CEP57L1: variants seen among roughly 807,000 people sequenced by gnomAD.
CEP57L1 encodes the protein centrosomal protein CEP57L1.
In CEP57L1, 37 loss-of-function variants were observed where a neutral mutation model predicts 61.0. The ratio of observed to expected loss-of-function variants is 0.61; its 90% CI spans 0.47 to 0.80. The LOEUF (loss-of-function observed/expected upper bound fraction) is 0.80. CEP57L1 is among the 30% of genes least tolerant of loss of function. The pLI, the probability that CEP57L1 is intolerant of heterozygous loss-of-function variation, is 0.00. For missense variants in CEP57L1, 422 were observed against 524.7 expected (o/e 0.80, Z 1.91); for synonymous variants, 137 against 162.3 (o/e 0.84, Z 1.19).
intron 1 of CEP57L1, among the ~76,000 whole-genome samples, chr6:109,106,892 A>G (rs1456794646): frequency 6.6e-6 from 1 of 152,208 alleles, no homozygotes; most frequent in Non-Finnish European, 1.5e-5. Context: ...GTGAGCTGAA[A>G]TCGCACCACT....
intron 7 of CEP57L1, chr6:109,156,262 G>T (rs1036975159): frequency 6.4e-6 from 1 of 155,992 alleles, no homozygotes; most frequent in African/African-American, 2.4e-5. Flanking sequence ...TATAAAAGAG[G>T]CAGTAAACAA....
chr6:109,114,745 A>T (rs146896095), intron 1 of CEP57L1, among the ~76,000 whole-genome samples: 1 of 152,252 alleles, frequency 6.6e-6, no homozygotes, highest in Non-Finnish European at 1.5e-5. Flanking sequence ...GATGCTGATC[A>T]ATGGGGTACA....
intron 1 of CEP57L1, among the ~76,000 whole-genome samples, chr6:109,104,820 C>T (rs1339585139): frequency 6.6e-6 from 1 of 152,100 alleles, no homozygotes; most frequent in Non-Finnish European, 1.5e-5. Flanking sequence ...CTCCTGGGCT[C>T]AAGAAGTCCT....
chr6:109,117,378 A>G (rs1157399462), intron 1 of CEP57L1, among the ~76,000 whole-genome samples: 1 of 152,210 alleles, frequency 6.6e-6, no homozygotes, highest in African/African-American at 2.4e-5. Flanking sequence ...TGCTGCTGAT[A>G]GGAAGTTTTT....
rs190517051 is a variant in CEP57L1 at position 109,145,351 on chromosome 6, C to G, written c.130C>G (p.Pro44Ala). Residue 44 changes from proline to alanine, a missense_variant, in exon 2 of 11, where the codon CCT becomes GCT. Physicochemically the swap from Pro to Ala is conservative, Grantham distance 27. Transcript: ENST00000517392. ...CHPANLEVTS[P>A]KILHSPNSQA... ...TCCTGCAAACTTAGAAGTTACCTCT[C>G]CTAAGATACTTCATAGCCCAAATAG... 2.5e-6 allele frequency: 4 copies of G among 1,607,970 alleles called. No individual in the cohort carries two copies. The highest frequency in any genetic ancestry group is 2.7e-5 in the African/African-American group (2 of 74,806).
rs949471399 is a variant in CEP57L1, at chr6:109,172,652, TG to T, written c.*9683del. Among the ~76,000 whole-genome samples, 53 of 152,144 alleles carry T rather than the reference TG, an allele frequency of 3.5e-4. 1 individual carries two copies. Among genetic ancestry groups the T allele is most frequent in the African/African-American group, 1.2e-3 (51 of 41,442 alleles). Reference sequence around the variant, plus strand: ...TACCTATCATGGCCTCTGGTTAAGGTGTCAGTCTTGCCTCCAAATTTCCTCC... The same window carrying T: ...TACCTATCATGGCCTCTGGTTAAGGTTCAGTCTTGCCTCCAAATTTCCTCC... On this transcript the variant is annotated 3_prime_UTR_variant, in exon 11 of 11. Coordinates refer to ENST00000517392, the MANE Select transcript of CEP57L1 (RefSeq NM_001271852.3).
chr6:109,110,694 AT>A (rs1293418858), intron 1 of CEP57L1, among the ~76,000 whole-genome samples: 1 of 152,030 alleles, frequency 6.6e-6, no homozygotes, highest in Non-Finnish European at 1.5e-5. Flanking sequence ...TCTTAAGTTA[AT>A]TTTTGTGTAA....
rs745527422 is a variant in CEP57L1, at chr6:109,153,919, C to G, written c.549C>G (p.Phe183Leu). The change falls in exon 5 of 11, where the codon TTC (phenylalanine) becomes TTG (leucine). Residue 183 changes from phenylalanine (F) to leucine (L), a missense_variant. Transcript: ENST00000517392. ...TTGATGTCTTAGAAAAAGAGTGTTT[C>G]AGACTTACAACAACTCAGAAAACTG... ...EKLDVLEKECFRLTTTQKTAE... is the reference protein window; with the variant it reads ...EKLDVLEKECLRLTTTQKTAE... The G allele has an allele frequency of 6.2e-7, 1 of 1,607,574 alleles. No individual in the cohort carries two copies. Among genetic ancestry groups the G allele is most frequent in the Middle Eastern group, 1.7e-4 (1 of 6,040 alleles).
Position 109,146,932 on chromosome 6 carries a change from A to G in CEP57L1, c.335A>G (p.Lys112Arg). The G allele has an allele frequency of 2.5e-6, 4 of 1,604,634 alleles. No individual in the cohort carries two copies. The highest frequency in any genetic ancestry group is 3.4e-6 in the Non-Finnish European group (4 of 1,177,096). Residue 112 changes from lysine to arginine, a missense_variant, in exon 3 of 11, where the codon AAA becomes AGA. Physicochemically the swap from Lys to Arg is conservative, Grantham distance 26. Transcript: ENST00000517392. ...NLAHQELIKQKKDISIQLSSA... is the reference protein window; with the variant it reads ...NLAHQELIKQRKDISIQLSSA... Reference sequence around the variant, plus strand: ...GCACACCAGGAGCTGATAAAGCAGAAAAAAGGTAAGAAATGCAGTAGTTCT... The same window carrying G: ...GCACACCAGGAGCTGATAAAGCAGAGAAAAGGTAAGAAATGCAGTAGTTCT...
chr6:109,149,921 G>C (rs1399338932), intron 3 of CEP57L1, among the ~76,000 whole-genome samples, 197 bp from the exon 4 acceptor site: 1 of 152,064 alleles, frequency 6.6e-6, no homozygotes, highest in Non-Finnish European at 1.5e-5. Context: ...CTCTCTGTTT[G>C]TCTGTTATTG....
chr6:109,128,578 T>C (rs1368705443), intron 1 of CEP57L1, among the ~76,000 whole-genome samples: 1 of 152,186 alleles, frequency 6.6e-6, no homozygotes, highest in Non-Finnish European at 1.5e-5. Flanking sequence ...GTCATGTTAT[T>C]CCCTTTTATG....
At position 109,166,542 on chromosome 6, in the gene CEP57L1, C is replaced by A. The variant is rs369719096; in HGVS notation, c.*3572C>A. Among the ~76,000 whole-genome samples the A allele has an allele frequency of 6.6e-6, 1 of 151,932 alleles. No homozygotes were observed. Among genetic ancestry groups the A allele is most frequent in the East Asian group, 1.9e-4 (1 of 5,182 alleles). On this transcript the variant is annotated 3_prime_UTR_variant, in exon 11 of 11. Coordinates refer to ENST00000517392, the MANE Select transcript of CEP57L1 (RefSeq NM_001271852.3). ...GGAATTACAGGCACCTGCCATACAC[C>A]CAGCTAATTTTTGTATTTTTAGTAG...
chr6:109,127,278 G>A (rs1458049496), intron 1 of CEP57L1, among the ~76,000 whole-genome samples: 1 of 152,148 alleles, frequency 6.6e-6, no homozygotes, highest in Non-Finnish European at 1.5e-5. Flanking sequence ...AAATTTATTA[G>A]TAGTTATGAA....
intron 1 of CEP57L1, among the ~76,000 whole-genome samples, chr6:109,114,438 G>A (rs1338955885): frequency 6.6e-6 from 1 of 151,546 alleles, no homozygotes; most frequent in Non-Finnish European, 1.5e-5. Flanking sequence ...TGAGTTTTTT[G>A]TATATTTTGG....
intron 1 of CEP57L1, among the ~76,000 whole-genome samples, chr6:109,101,138 T>A (rs1392770684): frequency 6.6e-6 from 1 of 152,150 alleles, no homozygotes; most frequent in Non-Finnish European, 1.5e-5. Context: ...AGTCTGCCTT[T>A]TTTGCTGCAA....
chr6:109,137,832 C>T (rs1454629929), intron 1 of CEP57L1, among the ~76,000 whole-genome samples: 2 of 152,132 alleles, frequency 1.3e-5, no homozygotes, highest in Admixed American at 6.6e-5. Flanking sequence ...CAAAACAATT[C>T]TGCATTCAAT....
intron 1 of CEP57L1, among the ~76,000 whole-genome samples, chr6:109,103,605 C>T (rs1770579828): frequency 6.6e-6 from 1 of 152,208 alleles, no homozygotes; most frequent in South Asian, 2.1e-4. Context: ...CAAGTTTACT[C>T]TTCAGTATTT....
intron 3 of CEP57L1, among the ~76,000 whole-genome samples, chr6:109,148,814 A>C (rs1772263285): frequency 1.3e-5 from 2 of 152,172 alleles, no homozygotes; most frequent in Admixed American, 1.3e-4. Context: ...TGCCATTCTA[A>C]CTGGTGTGAG....
chr6:109,120,884 C>T (rs1006984365), intron 1 of CEP57L1, among the ~76,000 whole-genome samples: 2 of 150,582 alleles, frequency 1.3e-5, no homozygotes, highest in Non-Finnish European at 2.9e-5. Flanking sequence ...TTTCTGCAGT[C>T]TTAGAAAATT....
Sources: allele counts gnomAD v4.1 joint callset (sites outside exome capture counted in the v4.1 genomes callset), GRCh38; gene constraint gnomAD v4.1.1; transcripts MANE v1.5; gene names NCBI Gene and HGNC (gene_info 2026-07-23, HGNC 2026-07-21).